The following ADGRL2 variants were observed in gnomAD, a reference collection of about 807,000 sequenced individuals.
ADGRL2 encodes the protein calcium-independent alpha-latrotoxin receptor 2.
Under a neutral mutation model 157.4 loss-of-function variants are expected in ADGRL2, and 44 were observed. The observed-to-expected ratio is 0.28, with a 90% confidence interval of 0.22 to 0.36. The LOEUF is 0.36. Ranked by LOEUF, ADGRL2 falls within the 10% of genes least tolerant of loss-of-function variation. ADGRL2 has a pLI of 1.00. For synonymous variants in ADGRL2, 585 were observed against 624.7 expected, an observed-to-expected ratio of 0.94 and a Z score of 0.95; for missense variants, 1,510 against 1,768.9, an observed-to-expected ratio of 0.85 and a Z score of 2.63.
At chr1:81,740,257 T>C (rs1328695245) in intron 1 of ADGRL2, among the ~76,000 whole-genome samples, 1 of 152,200 alleles carries the variant, frequency 6.6e-6, no homozygotes, top group African/African-American at 2.4e-5. Flanking sequence ...CAAGGGTTTA[T>C]TAAATGCCTA....
intron 2 of ADGRL2, among the ~76,000 whole-genome samples, chr1:81,491,442 C>CAAA (rs145421591): frequency 7.4e-5 from 11 of 149,388 alleles, no homozygotes; most frequent in African/African-American, 9.8e-5. Flanking sequence ...TACTCTGCTT[C>CAAA]AAAAAAAAAG....
intron 1 of ADGRL2, among the ~76,000 whole-genome samples, chr1:81,718,986 G>A (rs1321885761): frequency 6.6e-6 from 1 of 152,180 alleles, no homozygotes; most frequent in Non-Finnish European, 1.5e-5. Context: ...ATATCTGTTG[G>A]ACACCTCTGT....
At chr1:81,574,899 G>C (rs1161262074) in intron 2 of ADGRL2, among the ~76,000 whole-genome samples, 1 of 152,152 alleles carries the variant, frequency 6.6e-6, no homozygotes, top group East Asian at 1.9e-4. Context: ...GTCATTACCA[G>C]ATACCTTAGA....
At chr1:81,564,822 T>G (rs1236317136) in intron 2 of ADGRL2, among the ~76,000 whole-genome samples, 1 of 152,128 alleles carries the variant, frequency 6.6e-6, no homozygotes, top group Non-Finnish European at 1.5e-5. Flanking sequence ...AGGACTATGT[T>G]CAGTTGACTC....
chr1:81,507,574 G>A (rs543349426), intron 2 of ADGRL2, among the ~76,000 whole-genome samples: 11 of 152,202 alleles, frequency 7.2e-5, no homozygotes, highest in South Asian at 2.1e-4. Flanking sequence ...CTCACTCCTC[G>A]AGAGGGAAGC....
chr1:81,706,691 G>T (rs910652166), intron 1 of ADGRL2, among the ~76,000 whole-genome samples: 6 of 152,140 alleles, frequency 3.9e-5, no homozygotes, highest in African/African-American at 1.4e-4. Flanking sequence ...GACAGAAGTT[G>T]CAGTCACACA....
At chr1:81,862,339 T>G (rs1466055451) in intron 2 of ADGRL2, among the ~76,000 whole-genome samples, 1 of 152,202 alleles carries the variant, frequency 6.6e-6, no homozygotes, top group Non-Finnish European at 1.5e-5. Flanking sequence ...TGATTCATAA[T>G]GAGCCAACCC....
At chr1:81,615,652 C>T (rs1358593617) in intron 3 of ADGRL2, among the ~76,000 whole-genome samples, 8 of 152,208 alleles carry the variant, frequency 5.3e-5, no homozygotes, top group African/African-American at 1.9e-4. Flanking sequence ...ATTCCGGACA[C>T]ACTATCTTGG....
intron 2 of ADGRL2, among the ~76,000 whole-genome samples, chr1:81,838,223 T>C (rs573933434): frequency 3.9e-5 from 6 of 152,046 alleles, no homozygotes; most frequent in Non-Finnish European, 8.8e-5. Context: ...TATTTTATCA[T>C]GTTCTCCTTG....
chr1:81,325,274 G>A (rs1660817039), intron 1 of ADGRL2, among the ~76,000 whole-genome samples: 1 of 152,054 alleles, frequency 6.6e-6, no homozygotes, highest in Non-Finnish European at 1.5e-5. Context: ...TTAGAAGAGG[G>A]TAAGTTTCCC....
chr1:81,965,404 A>G (rs1047385597), intron 11 of ADGRL2, among the ~76,000 whole-genome samples: 3 of 152,226 alleles, frequency 2.0e-5, no homozygotes, highest in Non-Finnish European at 4.4e-5. Flanking sequence ...GCCCAATTTG[A>G]ATATGTAAAG....
chr1:81,572,231 A>G (rs1397423149), intron 2 of ADGRL2, among the ~76,000 whole-genome samples: 9 of 152,204 alleles, frequency 5.9e-5, no homozygotes, highest in Admixed American at 5.2e-4. Context: ...CTTTGAGGCC[A>G]AGCATTATAT....
chr1:81,353,245 A>G (rs924223645), intron 1 of ADGRL2, among the ~76,000 whole-genome samples: 4 of 152,192 alleles, frequency 2.6e-5, no homozygotes, highest in Non-Finnish European at 5.9e-5. Flanking sequence ...AAGGTATGAG[A>G]ATCGGATCCT....
intron 1 of ADGRL2, among the ~76,000 whole-genome samples, chr1:81,356,296 T>C (rs1264107773): frequency 1.3e-5 from 2 of 152,246 alleles, no homozygotes; most frequent in Non-Finnish European, 2.9e-5. Flanking sequence ...CATTGCAAAA[T>C]GCTAATTCCT....
rs535040166 is a variant in ADGRL2, at chr1:81,809,962, G to A, written c.-101+8894G>A. On this transcript the variant is annotated intron_variant, in intron 1 of 23. Coordinates refer to ENST00000686636, the MANE Select transcript of ADGRL2 (RefSeq NM_001366006.2). Reference sequence around the variant, plus strand: ...TCCTTTTATAGGTATTTTTACATCAGTCCACACCTCAAGCTAGTTATTACT... The same window carrying A: ...TCCTTTTATAGGTATTTTTACATCAATCCACACCTCAAGCTAGTTATTACT... 1.3e-4 allele frequency among the ~76,000 whole-genome samples: 19 copies of A among 151,850 alleles called. No individual in the cohort carries two copies. The South Asian group carries it at 3.7e-3, about 30-fold the overall frequency.
chr1:81,680,299 TA>T (rs370711656), intron 3 of ADGRL2, among the ~76,000 whole-genome samples: 23 of 152,338 alleles, frequency 1.5e-4, no homozygotes, highest in African/African-American at 5.5e-4. Context: ...AATGAAAACT[TA>T]AATCTCTTCT....
chr1:81,850,839 CT>C (rs3842542), intron 2 of ADGRL2, among the ~76,000 whole-genome samples: 95,895 of 151,550 alleles, frequency 0.63, 30,509 homozygotes, highest in East Asian at 0.68. Context: ...GTTGTTACCT[CT>C]TTACACCTCC....
chr1:81,454,302 C>T (rs2077759314), intron 2 of ADGRL2, among the ~76,000 whole-genome samples: 1 of 151,990 alleles, frequency 6.6e-6, no homozygotes, highest in East Asian at 1.9e-4. Context: ...CAAAATGTAA[C>T]TTAAATTCTA....
chr1:81,954,053 C>G (rs1254012981), intron 10 of ADGRL2, among the ~76,000 whole-genome samples: 1 of 151,904 alleles, frequency 6.6e-6, no homozygotes, highest in African/African-American at 2.4e-5. Flanking sequence ...TCTGAAAGTC[C>G]CCTTTTAGCC....
Sources: gnomAD v4.1 joint callset for allele counts (sites outside exome capture counted in the v4.1 genomes callset) on GRCh38, gnomAD v4.1.1 for gene constraint, MANE v1.5 for transcripts, NCBI Gene and HGNC (gene_info 2026-07-23, HGNC 2026-07-21) for gene names.